Variants in PARP1 observed in about 807,000 individuals in gnomAD.
PARP1 encodes the protein poly [ADP-ribose] polymerase 1.
A neutral mutation model predicts 118.7 loss-of-function variants in PARP1; 44 were observed. The ratio of observed to expected loss-of-function variants is 0.37; its 90% CI spans 0.29 to 0.48. The LOEUF is 0.48. Among genes scored for constraint, PARP1 ranks in the 20% least tolerant of loss-of-function variants. The pLI is 0.99. For missense variants in PARP1, 1,100 were observed against 1,272.4 expected, an observed-to-expected ratio of 0.86 and a Z score of 2.06; for synonymous variants, 492 against 483.2, an observed-to-expected ratio of 1.02 and a Z score of -0.24.
At chr1:226,388,010 T>C (rs1451861923) in intron 5 of PARP1, among the ~76,000 whole-genome samples, 9 of 152,230 alleles carry the variant, frequency 5.9e-5, no homozygotes, top group Non-Finnish European at 1.0e-4. Flanking sequence ...AGATGGTTCA[T>C]AGAAATCATG....
At chr1:226,398,386 T>A (rs528257608) in intron 2 of PARP1, among the ~76,000 whole-genome samples, 6 of 151,950 alleles carry the variant, frequency 3.9e-5, no homozygotes, top group Middle Eastern at 3.4e-3. Context: ...ACAAAAAATT[T>A]AAAAAAATTA....
At position 226,370,545 on chromosome 1, in the gene PARP1, A is replaced by C. The variant is rs968316202; in HGVS notation, c.2071-28T>G. ...GAGGAGACAGGGGATTTCGCTCTGA[A>C]AGCTGGGCACTGTGCAGTGTGATCG... On this transcript the variant is annotated intron_variant, in intron 14 of 22. Transcript: ENST00000366794. The C allele has an allele frequency of 4.4e-6, 7 of 1,574,466 alleles. No homozygotes were observed. In the African/African-American group the frequency reaches 9.4e-5, roughly 21 times the overall value.
intron 1 of PARP1, among the ~76,000 whole-genome samples, chr1:226,403,073 C>T (rs3219025): frequency 0.013 from 2,019 of 152,270 alleles, 118 homozygotes; most frequent in Admixed American, 0.098. Flanking sequence ...GCGCAGTTTC[C>T]CAGGCGTAGG....
At position 226,390,624 on chromosome 1, in the gene PARP1, C is replaced by A; in HGVS notation, c.403G>T (p.Gly135Cys). The change falls in exon 4 of 23, where the codon GGC becomes TGC. Residue 135 changes from glycine (G) to cysteine (C), a missense_variant and splice_region_variant. By Grantham distance (159) the Gly-to-Cys change is radical. Transcript: ENST00000366794. ...ATCTTCTTGGACAGGCGCACCTGGCCCTGCAGGAAAAACCATATGTGGTAC... is the reference window on the plus strand; with the variant it reads ...ATCTTCTTGGACAGGCGCACCTGGCACTGCAGGAAAAACCATATGTGGTAC... The part of the protein sequence containing the change: ...CKGCMEKIEK[G>C]QVRLSKKMVD... The A allele has an allele frequency of 6.2e-7, 1 of 1,613,920 alleles. No homozygotes were observed. The highest frequency in any genetic ancestry group is 8.5e-7 in the Non-Finnish European group (1 of 1,179,882).
intron 2 of PARP1, among the ~76,000 whole-genome samples, chr1:226,395,656 A>C (rs944658117): frequency 6.6e-6 from 1 of 152,142 alleles, no homozygotes; most frequent in Non-Finnish European, 1.5e-5. Context: ...AAAAACAAAA[A>C]ACAAAGTGCA....
intron 2 of PARP1, among the ~76,000 whole-genome samples, chr1:226,395,934 T>C (rs1664907563): frequency 6.6e-6 from 1 of 152,188 alleles, no homozygotes; most frequent in South Asian, 2.1e-4. Flanking sequence ...CAGGCAGTTA[T>C]TGCTTAATGG....
At chr1:226,378,406 TAA>T (rs555462858) in intron 12 of PARP1, among the ~76,000 whole-genome samples, 7 of 144,048 alleles carry the variant, frequency 4.9e-5, no homozygotes, top group Admixed American at 6.9e-5. Flanking sequence ...CTCACCATGT[TAA>T]AAAAAAAAAA....
At position 226,388,884 on chromosome 1, in the gene PARP1, C is replaced by A. The variant is rs1447136786; in HGVS notation, c.618-129G>T. Reference sequence around the variant, plus strand: ...GTAGGGCCTACTCACACTTGTCACTCCCTAACCCCTGCCCCACTCAGTGCC... The same window carrying A: ...GTAGGGCCTACTCACACTTGTCACTACCTAACCCCTGCCCCACTCAGTGCC... On this transcript the variant is annotated intron_variant, in intron 4 of 22. Transcript: ENST00000366794. 5.2e-6 allele frequency: 4 copies of A among 772,384 alleles called. No homozygotes were observed. The Admixed American group carries it at 7.1e-5, about 14-fold the overall frequency. The allele number at this position is 772,384 out of a possible 1,614,324, so 47.8% of individuals were successfully genotyped here. A position where few individuals can be genotyped will look rare whatever the true frequency, so the allele number is the denominator to read the frequency against.
chr1:226,368,067 C>G (rs1168023924), intron 16 of PARP1, 132 bp downstream of exon 16: 36 of 1,317,684 alleles, frequency 2.7e-5, no homozygotes, highest in Non-Finnish European at 3.8e-5. Context: ...AACCCAACTT[C>G]AAAACAAGGG....
chr1:226,370,587 G>C, intron 14 of PARP1, 70 bp from the exon 15 acceptor site: 1 of 1,281,826 alleles, frequency 7.8e-7, no homozygotes, highest in Non-Finnish European at 1.1e-6. Context: ...AGCTGGACCG[G>C]GCAGCCCACC....
At position 226,381,165 on chromosome 1, in the gene PARP1, C is replaced by A. The variant is rs79858762; in HGVS notation, c.1203G>T (p.Leu401=). 33 of 1,614,040 alleles carry A rather than the reference C, an allele frequency of 2.0e-5. No individual in the cohort carries two copies. The East Asian group carries it at 7.1e-4, about 35-fold the overall frequency. ...SNMKILTLGK[L]SRNKDEVKAM... is the part of the protein sequence containing the mutation. Reference sequence around the variant, plus strand: ...CCTTCACTTCATCCTTGTTCCGGGACAGCTTCCCGAGAGTCAGGATCTTCA... The same window carrying A: ...CCTTCACTTCATCCTTGTTCCGGGAAAGCTTCCCGAGAGTCAGGATCTTCA... Residue 401 remains leucine (L), a synonymous_variant, in exon 9 of 23, where the codon CTG becomes CTT. Coordinates refer to ENST00000366794, the MANE Select transcript of PARP1 (RefSeq NM_001618.4).
chr1:226,383,448 CA>C (rs1664659095), intron 7 of PARP1, among the ~76,000 whole-genome samples: 1 of 152,012 alleles, frequency 6.6e-6, no homozygotes, highest in Non-Finnish European at 1.5e-5. Context: ...CTAAAAAAAA[CA>C]AAAACAGAAA....
intron 2 of PARP1, among the ~76,000 whole-genome samples, chr1:226,396,352 A>G (rs200507653): frequency 6.6e-6 from 1 of 150,726 alleles, no homozygotes; most frequent in Middle Eastern, 3.4e-3. Context: ...TCTCAAAAAA[A>G]TTTTTTTTTA....
intron 6 of PARP1, 48 bp downstream of exon 6, chr1:226,386,278 C>T (rs138122145): frequency 1.2e-4 from 133 of 1,113,668 alleles, no homozygotes; most frequent in Middle Eastern, 6.2e-4. Flanking sequence ...TCCACAACGA[C>T]GGGGTCGGCC....
chr1:226,379,776 C>T (rs1008685607), intron 10 of PARP1, 135 bp from the exon 11 acceptor site: 9 of 1,409,712 alleles, frequency 6.4e-6, no homozygotes, highest in African/African-American at 2.8e-5. Context: ...ACTCCCGCCA[C>T]CCCAAAGCGC....
chr1:226,361,825 C>A, intron 22 of PARP1, 144 bp downstream of exon 22: 1 of 710,164 alleles, frequency 1.4e-6, no homozygotes, highest in South Asian at 1.5e-5. Flanking sequence ...AGGGAGGGAC[C>A]ACAGAAGGGA....
chr1:226,378,663 C>T (rs1353426141), intron 12 of PARP1, among the ~76,000 whole-genome samples: 1 of 151,964 alleles, frequency 6.6e-6, no homozygotes, highest in African/African-American at 2.4e-5. Flanking sequence ...GTCTGGGCAA[C>T]ACAGCGAGGC....
Position 226,397,361 on chromosome 1 carries a change from C to T in PARP1, c.286+4853G>A, listed in dbSNP as rs564391434. ...ACTCACCCTCTGAACCCTTTCTTGG[C>T]AAATTTATTTACTTTTTAAAATTCC... On this transcript the variant is annotated intron_variant, in intron 2 of 22. Transcript: ENST00000366794. Among the ~76,000 whole-genome samples the T allele has an allele frequency of 2.3e-4, 35 of 152,108 alleles. 1 individual carries two copies. The South Asian group carries it at 7.1e-3, about 31-fold the overall frequency.
intron 13 of PARP1, 91 bp from the exon 14 acceptor site, chr1:226,374,445 A>G (rs1664452264): frequency 4.0e-6 from 6 of 1,512,344 alleles, no homozygotes; most frequent in Non-Finnish European, 5.5e-6. Context: ...GACAAAGGAC[A>G]CAGGCTAGAG....
Sources: gnomAD v4.1 joint callset for allele counts (sites outside exome capture counted in the v4.1 genomes callset) on GRCh38, gnomAD v4.1.1 for gene constraint, MANE v1.5 for transcripts, NCBI Gene and HGNC (gene_info 2026-07-23, HGNC 2026-07-21) for gene names.